KDM6A: variants seen among roughly 807,000 people sequenced by gnomAD.
KDM6A encodes lysine demethylase 6A.
A neutral mutation model predicts 117.6 loss-of-function variants in KDM6A; 11 were observed. The ratio of observed to expected loss-of-function variants is 0.09; its 90% CI spans 0.06 to 0.15. KDM6A has a LOEUF of 0.15. Among genes scored for constraint, KDM6A ranks in the 10% least tolerant of loss-of-function variants. The probability of loss-of-function intolerance (pLI) is 1.00; values close to 1 mark genes in which losing one functional copy is unlikely to be tolerated. For missense variants in KDM6A, 799 were observed against 1,077.3 expected, an observed-to-expected ratio of 0.74 and a Z score of 3.62; for synonymous variants, 384 against 396.1, an observed-to-expected ratio of 0.97 and a Z score of 0.36.
At chrX:44,904,723 T>TCTG (rs1203687479) in intron 2 of KDM6A, among the ~76,000 whole-genome samples, 7 of 112,052 alleles carry the variant, frequency 6.2e-5, no homozygotes, top group Non-Finnish European at 1.3e-4. Flanking sequence ...TTGTACTCCC[T>TCTG]CTGCTGGCTT....
intron 5 of KDM6A, among the ~76,000 whole-genome samples, chrX:45,019,642 AT>A (rs1391701318): frequency 8.9e-6 from 1 of 111,875 alleles, no homozygotes; most frequent in Non-Finnish European, 1.9e-5. Flanking sequence ...GAGATAATTG[AT>A]TAAAAGTTTT....
chrX:44,939,473 T>G, intron 2 of KDM6A, among the ~76,000 whole-genome samples: 2 of 112,279 alleles, frequency 1.8e-5, no homozygotes, highest in Admixed American at 1.9e-4. Flanking sequence ...AGGAGTTGCT[T>G]CTTATGGATG....
intron 2 of KDM6A, among the ~76,000 whole-genome samples, chrX:44,933,600 C>T (rs570987406): frequency 1.9e-5 from 2 of 107,677 alleles, no homozygotes; most frequent in South Asian, 4.1e-4. Context: ...GTTTTTGAGA[C>T]GAAGTATTGC....
chrX:45,042,496 TACC>T (rs2043315211), intron 8 of KDM6A, among the ~76,000 whole-genome samples: 3 of 111,340 alleles, frequency 2.7e-5, no homozygotes, highest in Non-Finnish European at 3.8e-5. Flanking sequence ...ATGGCCTGCT[TACC>T]TACCTATTAA....
intron 2 of KDM6A, among the ~76,000 whole-genome samples, chrX:44,953,567 TTC>T (rs1322788119): frequency 8.9e-6 from 1 of 112,091 alleles, no homozygotes; most frequent in Non-Finnish European, 1.9e-5. Flanking sequence ...AATCTCTTTT[TTC>T]TTTTTCTTTA....
chrX:44,979,400 CTTCTT>C (rs1031871444), intron 4 of KDM6A, among the ~76,000 whole-genome samples: 3 of 107,953 alleles, frequency 2.8e-5, no homozygotes, highest in African/African-American at 1.0e-4. Flanking sequence ...CTTTCCTTCT[CTTCTT>C]CCTTTCCTTC....
chrX:44,912,491 T>C lies in KDM6A; in HGVS notation c.225+38504T>C, dbSNP rs142371914. ...CATGATCCACTACACAACACACGTA[T>C]GTTTTATAGTTGGAAATCCTTTTTC... is the stretch of plus-strand genomic sequence containing the variant. On this transcript the variant is annotated intron_variant, in intron 2 of 29. Transcript: ENST00000611820. 1.2e-4 allele frequency among the ~76,000 whole-genome samples: 13 copies of C among 112,401 alleles called. No individual in the cohort carries two copies. In the East Asian group the frequency reaches 3.6e-3, roughly 31 times the overall value.
intron 4 of KDM6A, among the ~76,000 whole-genome samples, chrX:44,978,699 A>G (rs769564511): frequency 3.0e-4 from 34 of 112,229 alleles, no homozygotes; most frequent in African/African-American, 1.1e-3. Context: ...CATTACCATA[A>G]TGAAGATATA....
rs759161252 is a variant in KDM6A, at chrX:44,931,924, T to G, written c.226-29360T>G. ...CCTATTTTAAAAATATCATCTTATT[T>G]GGTGTTCTTTTAGTTGGGGAACCTT... On this transcript the variant is annotated intron_variant, in intron 2 of 29. Coordinates refer to ENST00000611820, the MANE Select transcript of KDM6A (RefSeq NM_001291415.2). Among the ~76,000 whole-genome samples, 100 of 109,812 alleles carry G rather than the reference T, an allele frequency of 9.1e-4. 1 individual carries two copies. The highest frequency in any genetic ancestry group is 1.4e-3 in the Non-Finnish European group (73 of 52,814).
At chrX:44,922,674 G>A (rs2036037630) in intron 2 of KDM6A, among the ~76,000 whole-genome samples, 1 of 112,069 alleles carries the variant, frequency 8.9e-6, no homozygotes, top group African/African-American at 3.2e-5. Context: ...TCGCCATGTT[G>A]GCCAGGCTGG....
At chrX:44,875,563 GTT>G (rs535198904) in intron 2 of KDM6A, among the ~76,000 whole-genome samples, 9 of 96,560 alleles carry the variant, frequency 9.3e-5, no homozygotes, top group African/African-American at 2.6e-4. Flanking sequence ...CTGCCTTAAA[GTT>G]TTTTTTTTTT....
intron 2 of KDM6A, among the ~76,000 whole-genome samples, chrX:44,923,694 G>A (rs1269514759): frequency 2.8e-5 from 3 of 109,014 alleles, no homozygotes; most frequent in Admixed American, 9.8e-5. Context: ...ACAGGCATGC[G>A]CCATCATGCT....
rs1569536949 is a variant in KDM6A, at chrX:45,076,697, G to T, written c.2859G>T (p.Arg953Ser). The T allele has an allele frequency of 2.9e-6, 3 of 1,044,566 alleles. No homozygotes were observed. The highest frequency in any genetic ancestry group is 1.3e-6 in the Non-Finnish European group (1 of 770,561). The allele number at this position is 1,044,566 out of a possible 1,213,427, so 86.1% of individuals were successfully genotyped here. A position where few individuals can be genotyped will look rare whatever the true frequency, so the allele number is the denominator to read the frequency against. ...PSSAEVLKACRNLGKNGLSNS... is the reference protein window; with the variant it reads ...PSSAEVLKACSNLGKNGLSNS... ...ATTATCCCTTTTTTTTTTTTTCCAG[G>T]AATCTAGGTAAAAATGGCTTATCTA... Residue 953 changes from arginine (R) to serine (S), a missense_variant and splice_region_variant, in exon 19 of 30, where the codon AGG (arginine) becomes AGT (serine). Around this residue, in one of 8 missense-constraint regions of KDM6A, gnomAD observed 291 missense variants for 437.9 expected, o/e 0.66. Coordinates refer to ENST00000611820, the MANE Select transcript of KDM6A (RefSeq NM_001291415.2).
chrX:44,939,204 TAAAA>T (rs1215289646), intron 2 of KDM6A, among the ~76,000 whole-genome samples: 3 of 112,174 alleles, frequency 2.7e-5, no homozygotes, highest in Non-Finnish European at 3.8e-5. Flanking sequence ...GCAAAGTAAA[TAAAA>T]AACCTTCTGG....
At chrX:45,089,951 TA>T (rs1298292067) in intron 26 of KDM6A, 21 bp downstream of exon 26, 2 of 1,152,597 alleles carry the variant, frequency 1.7e-6, no homozygotes, top group East Asian at 3.0e-5. Context: ...GAATATGCTT[TA>T]AAAAAGTTAA....
chrX:44,901,721 CAA>C (rs2034359564), intron 2 of KDM6A, among the ~76,000 whole-genome samples: 1 of 111,715 alleles, frequency 9.0e-6, no homozygotes, highest in South Asian at 3.7e-4. Context: ...ATTTTTGTCT[CAA>C]AGTGTATTTT....
chrX:45,048,463 C>T (rs2043683892), intron 8 of KDM6A, among the ~76,000 whole-genome samples: 1 of 111,216 alleles, frequency 9.0e-6, no homozygotes, highest in African/African-American at 3.3e-5. Context: ...TCTGTTCATG[C>T]ATAATTCGGC....
intron 5 of KDM6A, among the ~76,000 whole-genome samples, chrX:45,011,433 C>T (rs1479130120): frequency 9.0e-6 from 1 of 111,544 alleles, no homozygotes; most frequent in African/African-American, 3.3e-5. Flanking sequence ...TTCTCCCTTC[C>T]ACATACCAGC....
chrX:44,998,145 G>A (rs73200194), intron 4 of KDM6A, among the ~76,000 whole-genome samples: 98 of 111,786 alleles, frequency 8.8e-4, no homozygotes, highest in Non-Finnish European at 1.6e-3. Context: ...AGGAGGAAAT[G>A]GAGAGAGAGC....
Sources: allele counts gnomAD v4.1 joint callset (sites outside exome capture counted in the v4.1 genomes callset), GRCh38; gene constraint gnomAD v4.1.1; regional missense constraint gnomAD v4.1.1; transcripts MANE v1.5; gene names NCBI Gene and HGNC (gene_info 2026-07-23, HGNC 2026-07-21).